The following MECOM variants were observed in gnomAD, a reference collection of about 807,000 sequenced individuals.
The protein encoded by MECOM is MDS1 and EVI1 complex locus.
MECOM carries 13 observed loss-of-function variants against 116.3 expected under a neutral mutation model. That is an observed-to-expected ratio of 0.11 (90% CI 0.07 to 0.18). The LOEUF (loss-of-function observed/expected upper bound fraction) is 0.18. Among genes scored for constraint, MECOM ranks in the 10% least tolerant of loss-of-function variants. The probability of loss-of-function intolerance (pLI) is 1.00; values close to 1 mark genes in which losing one functional copy is unlikely to be tolerated. For missense variants in MECOM, 1,299 were observed against 1,509.0 expected, an observed-to-expected ratio of 0.86 and a Z score of 2.31; for synonymous variants, 528 against 535.2, an observed-to-expected ratio of 0.99 and a Z score of 0.19.
At chr3:169,267,159 A>G (rs1004301248) in intron 2 of MECOM, among the ~76,000 whole-genome samples, 1 of 152,252 alleles carries the variant, frequency 6.6e-6, no homozygotes, top group Admixed American at 6.5e-5. Context: ...TTACGATACT[A>G]CAGCAGGAAG....
At chr3:169,361,210 G>A (rs373562241) in intron 2 of MECOM, among the ~76,000 whole-genome samples, 1 of 151,780 alleles carries the variant, frequency 6.6e-6, no homozygotes, top group East Asian at 1.9e-4. Flanking sequence ...TAGACACGAA[G>A]CCAAAACCCC....
chr3:169,511,839 A>G (rs1019663986), intron 1 of MECOM, among the ~76,000 whole-genome samples: 1 of 152,126 alleles, frequency 6.6e-6, no homozygotes, highest in South Asian at 2.1e-4. Flanking sequence ...TTTACTAGAC[A>G]TCTGTTTAAC....
intron 2 of MECOM, among the ~76,000 whole-genome samples, chr3:169,289,187 A>G (rs1560092523): frequency 1.3e-5 from 2 of 152,246 alleles, no homozygotes; most frequent in Non-Finnish European, 2.9e-5. Flanking sequence ...GTTGAAAACA[A>G]CAGGTTTTTT....
intron 2 of MECOM, among the ~76,000 whole-genome samples, chr3:169,219,769 G>GTA (rs1195758016): frequency 4.0e-5 from 6 of 148,830 alleles, no homozygotes; most frequent in East Asian, 2.0e-4. Flanking sequence ...ATATATAATG[G>GTA]TATATATATA....
At chr3:169,439,459 T>C (rs1370955864) in intron 1 of MECOM, among the ~76,000 whole-genome samples, 1 of 151,708 alleles carries the variant, frequency 6.6e-6, no homozygotes, top group Non-Finnish European at 1.5e-5. Flanking sequence ...AATGTTAAAA[T>C]AGGCCATAGA....
At chr3:169,542,159 A>G (rs1382881480) in intron 1 of MECOM, among the ~76,000 whole-genome samples, 1 of 152,226 alleles carries the variant, frequency 6.6e-6, no homozygotes, top group East Asian at 1.9e-4. Flanking sequence ...AACGCATTGA[A>G]AGTTTTCCAA....
chr3:169,238,462 A>T (rs1372363322), intron 2 of MECOM, among the ~76,000 whole-genome samples: 1 of 139,814 alleles, frequency 7.2e-6, no homozygotes, highest in Non-Finnish European at 1.6e-5. Context: ...AAATGACCAC[A>T]GCAATTTTAC....
chr3:169,112,910 G>T, intron 8 of MECOM, 36 bp from the exon 9 acceptor site: 1 of 1,412,472 alleles, frequency 7.1e-7, no homozygotes, highest in Non-Finnish European at 1.0e-6. Context: ...AGATGAAGCA[G>T]TCTCACATAT....
At chr3:169,439,775 T>C (rs1039340792) in intron 1 of MECOM, among the ~76,000 whole-genome samples, 2 of 152,144 alleles carry the variant, frequency 1.3e-5, no homozygotes, top group African/African-American at 2.4e-5. Flanking sequence ...ACATTCCTTA[T>C]ATGAAAAACT....
At chr3:169,250,392 C>T (rs945529700) in intron 2 of MECOM, among the ~76,000 whole-genome samples, 1 of 152,194 alleles carries the variant, frequency 6.6e-6, no homozygotes, top group African/African-American at 2.4e-5. Flanking sequence ...TTAACTGTAA[C>T]TTCTCCTTTC....
At chr3:169,105,774 C>T (rs571669603) in intron 10 of MECOM, among the ~76,000 whole-genome samples, 25 of 152,238 alleles carry the variant, frequency 1.6e-4, no homozygotes, top group African/African-American at 5.5e-4. Context: ...GAAGTCATTT[C>T]ACCCTGTTCC....
intron 1 of MECOM, among the ~76,000 whole-genome samples, chr3:169,569,662 C>A (rs560229763): frequency 6.6e-6 from 1 of 152,292 alleles, no homozygotes; most frequent in African/African-American, 2.4e-5. Flanking sequence ...CAAATTAGAA[C>A]TCAGGATTAA....
At chr3:169,422,747 A>C (rs762493090) in intron 1 of MECOM, among the ~76,000 whole-genome samples, 5 of 152,136 alleles carry the variant, frequency 3.3e-5, no homozygotes, top group Non-Finnish European at 7.4e-5. Context: ...AACGCAGTGA[A>C]AATTTTATGG....
chr3:169,658,287 A>G (rs960570516), intron 1 of MECOM, among the ~76,000 whole-genome samples: 2 of 152,200 alleles, frequency 1.3e-5, no homozygotes, highest in African/African-American at 4.8e-5. Context: ...ACCTGGCATC[A>G]TCAGAGTGTA....
chr3:169,230,345 A>G (rs1464542413), intron 2 of MECOM, among the ~76,000 whole-genome samples: 1 of 151,820 alleles, frequency 6.6e-6, no homozygotes, highest in Non-Finnish European at 1.5e-5. Flanking sequence ...TGCCTCCTTG[A>G]TGTTATAATA....
At chr3:169,662,649 G>A (rs1268411049) in intron 1 of MECOM, among the ~76,000 whole-genome samples, 3 of 140,296 alleles carry the variant, frequency 2.1e-5, no homozygotes, top group Non-Finnish European at 3.1e-5. Flanking sequence ...GCCGCGCAGC[G>A]CCGCGCCGGA....
intron 2 of MECOM, among the ~76,000 whole-genome samples, chr3:169,192,888 T>C (rs911133714): frequency 6.6e-6 from 1 of 152,032 alleles, no homozygotes; most frequent in Non-Finnish European, 1.5e-5. Flanking sequence ...TTTATTTTTA[T>C]CATTGGAGCT....
At chr3:169,499,344 C>G (rs1333872841) in intron 1 of MECOM, among the ~76,000 whole-genome samples, 1 of 62,214 alleles carries the variant, frequency 1.6e-5, no homozygotes, top group African/African-American at 7.7e-5. Context: ...ACAGATTACC[C>G]ACAAAAAAAA....
At position 169,353,839 on chromosome 3, in the gene MECOM, T is replaced by C. The variant is rs192375906; in HGVS notation, c.375+27348A>G. Among the ~76,000 whole-genome samples the C allele has an allele frequency of 3.3e-4, 50 of 152,034 alleles. 1 individual carries two copies. The East Asian group carries it at 8.6e-3, about 26-fold the overall frequency. On this transcript the variant is annotated intron_variant, in intron 2 of 16. Coordinates refer to ENST00000651503, the MANE Select transcript of MECOM (RefSeq NM_004991.4). ...GAAGCTAGTTGAATTCATCACAACA[T>C]AACTATAAATTTCTTCTCAAATCAT...
Sources: gnomAD v4.1 joint callset for allele counts (sites outside exome capture counted in the v4.1 genomes callset) on GRCh38, gnomAD v4.1.1 for gene constraint, MANE v1.5 for transcripts, NCBI Gene and HGNC (gene_info 2026-07-23, HGNC 2026-07-21) for gene names.